The following GDI2 variants were observed in gnomAD, a reference collection of about 807,000 sequenced individuals.
The protein encoded by GDI2 is GDP dissociation inhibitor 2.
In GDI2, 22 loss-of-function variants were observed where a neutral mutation model predicts 54.2. That is an observed-to-expected ratio of 0.41 (90% CI 0.29 to 0.58). GDI2 has a LOEUF of 0.58. Ranked by LOEUF, GDI2 falls within the 20% of genes least tolerant of loss-of-function variation. The pLI is 0.35. For synonymous variants in GDI2, 177 were observed against 182.1 expected (o/e 0.97, Z 0.23); for missense variants, 422 against 546.0 (o/e 0.77, Z 2.26).
At position 5,768,529 on chromosome 10, in the gene GDI2, G is replaced by A. The variant is rs1196453172; in HGVS notation, c.820-145C>T. The A allele has an allele frequency of 8.3e-6, 5 of 604,710 alleles. No individual in the cohort carries two copies. Among genetic ancestry groups the A allele is most frequent in the East Asian group, 2.8e-5 (1 of 35,838 alleles). 37.5% of individuals were successfully genotyped at this position (604,710 alleles called of 1,614,324 possible). On this transcript the variant is annotated intron_variant, in intron 7 of 10. Coordinates refer to ENST00000380191, the MANE Select transcript of GDI2 (RefSeq NM_001494.4). This position sits in a 1 kb window ranked among gnomAD's most constrained non-coding sequence, Gnocchi z 4.4. The stretch of plus-strand genomic sequence containing the variant: ...ATTGGTTCCCAAGGGATTGAATTCT[G>A]GAACAACCAAAACAATCTTAAAAGA...
At chr10:5,805,565 G>C (rs527898290) in intron 1 of GDI2, among the ~76,000 whole-genome samples, 1 of 152,084 alleles carries the variant, frequency 6.6e-6, no homozygotes, top group East Asian at 1.9e-4. Flanking sequence ...ATTTTTTGTA[G>C]CAACAGGATA....
intron 7 of GDI2, among the ~76,000 whole-genome samples, chr10:5,772,669 A>C (rs1467466260): frequency 2.6e-5 from 4 of 152,174 alleles, no homozygotes; most frequent in African/African-American, 9.7e-5. Flanking sequence ...AGGTAGGAGA[A>C]TCACTTGAAC....
chr10:5,794,466 G>C (rs1269655601), intron 4 of GDI2, among the ~76,000 whole-genome samples: 2 of 151,810 alleles, frequency 1.3e-5, no homozygotes, highest in African/African-American at 2.4e-5. Context: ...TTTTAGGCCT[G>C]AGTTTCATCA....
rs77492921 is a variant in GDI2, at chr10:5,766,796, A to G, written c.992-158T>C. Among the ~76,000 whole-genome samples the G allele has an allele frequency of 0.025, 3,828 of 152,336 alleles. 111 individuals are homozygous for G. Among genetic ancestry groups the G allele is most frequent in the African/African-American group, 0.066 (2,748 of 41,560 alleles). ...TCTAAATGGTGACAGAGTTGGATGT[A>G]AAGTACACAGATATTTAACAATAGG... On this transcript the variant is annotated intron_variant, in intron 8 of 10. Transcript: ENST00000380191. The surrounding 1 kb of genome is among the most constrained non-coding windows in gnomAD (Gnocchi z 5.8).
intron 6 of GDI2, among the ~76,000 whole-genome samples, chr10:5,784,521 T>C (rs554763056): frequency 6.6e-5 from 10 of 152,198 alleles, no homozygotes; most frequent in Admixed American, 1.3e-4. Context: ...ATTACCCCAG[T>C]TGTTTTTCCA....
chr10:5,804,814 A>G (rs1276154858), intron 1 of GDI2, among the ~76,000 whole-genome samples: 1 of 151,650 alleles, frequency 6.6e-6, no homozygotes, highest in Non-Finnish European at 1.5e-5. Flanking sequence ...CATAACCTAA[A>G]ATATTTACTA....
intron 1 of GDI2, among the ~76,000 whole-genome samples, chr10:5,809,524 A>G (rs1489736278): frequency 2.6e-5 from 4 of 152,206 alleles, no homozygotes; most frequent in Admixed American, 6.5e-5. Flanking sequence ...AGCCAGCTAA[A>G]TATCTCCTTC....
At chr10:5,788,549 C>T (rs1840928649) in intron 4 of GDI2, among the ~76,000 whole-genome samples, 1 of 152,042 alleles carries the variant, frequency 6.6e-6, no homozygotes, top group African/African-American at 2.4e-5. Flanking sequence ...AAAAGAATTG[C>T]CTTGGGCCAC....
At chr10:5,780,505 G>A (rs960466166) in intron 6 of GDI2, among the ~76,000 whole-genome samples, 2 of 145,900 alleles carry the variant, frequency 1.4e-5, no homozygotes, top group Non-Finnish European at 3.1e-5. Context: ...TGTGTAGAAG[G>A]ATAATTCTAA....
chr10:5,773,179 T>C (rs903784289), intron 7 of GDI2, among the ~76,000 whole-genome samples: 3 of 152,032 alleles, frequency 2.0e-5, no homozygotes, highest in African/African-American at 7.3e-5. Context: ...CCCAGGAGGT[T>C]GCTACATTCC....
In GDI2 at chr10:5,774,952, T is replaced by C. The variant is rs1374841806; in HGVS notation, c.720-1011A>G. On this transcript the variant is annotated intron_variant, in intron 6 of 10. Coordinates refer to ENST00000380191, the MANE Select transcript of GDI2 (RefSeq NM_001494.4). This position sits in a 1 kb window ranked among gnomAD's most constrained non-coding sequence, Gnocchi z 4.8. ...AAGGGTTGACCAGTAATAGCTATAT[T>C]AGTCTAATCCTCTGGCATATAAATA... Among the ~76,000 whole-genome samples, 1 of 152,164 alleles carries C rather than the reference T, an allele frequency of 6.6e-6. No individual in the cohort carries two copies. Among genetic ancestry groups the C allele is most frequent in the African/African-American group, 2.4e-5 (1 of 41,430 alleles).
intron 1 of GDI2, among the ~76,000 whole-genome samples, chr10:5,807,997 C>G (rs1367488867): frequency 6.6e-6 from 1 of 152,128 alleles, no homozygotes; most frequent in African/African-American, 2.4e-5. Flanking sequence ...GGGAATAGAG[C>G]CAAAATTTAT....
At chr10:5,767,891 T>C (rs112738892) in intron 8 of GDI2, among the ~76,000 whole-genome samples, 2,191 of 152,238 alleles carry the variant, frequency 0.014, 59 homozygotes, top group African/African-American at 0.049. Context: ...AGCTCAAGAA[T>C]ATACTCGGGT....
chr10:5,796,516 A>G (rs1841151212), intron 3 of GDI2, among the ~76,000 whole-genome samples: 2 of 152,210 alleles, frequency 1.3e-5, no homozygotes, highest in African/African-American at 4.8e-5. Context: ...AAGGCTTACA[A>G]TCTTGTTATG....
rs1398266226 is a variant in GDI2, at chr10:5,801,875, G to A, written c.46-1170C>T. On this transcript the variant is annotated intron_variant, in intron 1 of 10. Transcript: ENST00000380191. ...AATACACAAAAATTAGCAGGGCATG[G>A]TGGTGCATGCCTGTAATTCCAGCAA... Among the ~76,000 whole-genome samples, 6 of 152,116 alleles carry A rather than the reference G, an allele frequency of 3.9e-5. No homozygotes were observed. The South Asian group carries it at 1.0e-3, about 26-fold the overall frequency.
At chr10:5,789,850 T>C (rs1249855027) in intron 4 of GDI2, among the ~76,000 whole-genome samples, 1 of 152,234 alleles carries the variant, frequency 6.6e-6, no homozygotes, top group East Asian at 1.9e-4. Context: ...CAGTACATAC[T>C]GTACTACTGT....
chr10:5,796,703 G>T, intron 3 of GDI2, 60 bp downstream of exon 3: 1 of 858,550 alleles, frequency 1.2e-6, no homozygotes, highest in Non-Finnish European at 2.0e-6. Flanking sequence ...TCAAAAGTTA[G>T]TTTTGATATT....
intron 6 of GDI2, among the ~76,000 whole-genome samples, chr10:5,777,261 T>C (rs188063821): frequency 2.5e-4 from 38 of 152,184 alleles, no homozygotes; most frequent in African/African-American, 6.3e-4. Context: ...TCACCTGAGG[T>C]CAGGAGTTCA....
At chr10:5,783,103 T>C (rs1290912365) in intron 6 of GDI2, among the ~76,000 whole-genome samples, 1 of 152,150 alleles carries the variant, frequency 6.6e-6, no homozygotes, top group Non-Finnish European at 1.5e-5. Context: ...TGGGGGGCAG[T>C]ATTCATTATG....
Sources: gnomAD v4.1 joint callset for allele counts (sites outside exome capture counted in the v4.1 genomes callset) on GRCh38, gnomAD v4.1.1 for gene constraint, Gnocchi (gnomAD v3.1) non-coding constraint, MANE v1.5 for transcripts, NCBI Gene and HGNC (gene_info 2026-07-23, HGNC 2026-07-21) for gene names.